FHIP1A: variants seen among roughly 807,000 people sequenced by gnomAD.
The protein encoded by FHIP1A is FHF complex subunit HOOK-interacting protein 1A.
In FHIP1A, 61 loss-of-function variants were observed where a neutral mutation model predicts 88.6. The observed-to-expected ratio is 0.69, with a 90% CI of 0.56 to 0.85. The LOEUF (loss-of-function observed/expected upper bound fraction) is 0.85. Among genes scored for constraint, FHIP1A ranks in the 40% least tolerant of loss-of-function variants. The probability of loss-of-function intolerance (pLI) is 0.00; values close to 1 mark genes in which losing one functional copy is unlikely to be tolerated. For synonymous variants in FHIP1A, 478 were observed against 496.0 expected (o/e 0.96, Z 0.48); for missense variants, 1,154 against 1,273.5 (o/e 0.91, Z 1.43).
At chr4:151,569,875 T>A (rs1209865027) in intron 4 of FHIP1A, among the ~76,000 whole-genome samples, 2 of 152,142 alleles carry the variant, frequency 1.3e-5, no homozygotes, top group Non-Finnish European at 2.9e-5. Flanking sequence ...TCCCAACTGC[T>A]TCTGGGTCCA....
intron 3 of FHIP1A, among the ~76,000 whole-genome samples, chr4:151,486,090 G>A (rs1016935401): frequency 4.6e-5 from 7 of 152,090 alleles, no homozygotes; most frequent in African/African-American, 1.7e-4. Flanking sequence ...TGCATTTCAC[G>A]ATAAGGTTTG....
intron 5 of FHIP1A, among the ~76,000 whole-genome samples, chr4:151,581,806 G>T (rs544974734): frequency 1.4e-3 from 218 of 150,402 alleles, no homozygotes; most frequent in African/African-American, 5.0e-3. Flanking sequence ...AAGTGTGTTA[G>T]CATCAGGCTG....
Position 151,668,496 on chromosome 4 carries a change from G to A in FHIP1A, c.*5742G>A, listed in dbSNP as rs1737745521. Among the ~76,000 whole-genome samples the A allele has an allele frequency of 6.6e-6, 1 of 152,126 alleles. No homozygotes were observed. On this transcript the variant is annotated 3_prime_UTR_variant, in exon 14 of 14. Coordinates refer to ENST00000435205, the MANE Select transcript of FHIP1A (RefSeq NM_001109977.3). ...GCTCAGCTAAAATATCCTTACTTTG[G>A]TGCAATAATGATCTAGGTTCTTTTT...
chr4:151,526,442 C>T (rs1359869355), intron 3 of FHIP1A, among the ~76,000 whole-genome samples: 2 of 146,928 alleles, frequency 1.4e-5, no homozygotes, highest in Non-Finnish European at 3.0e-5. Flanking sequence ...GGGGGCTGAC[C>T]CCCCCACCTC....
chr4:151,522,539 G>A lies in FHIP1A; in HGVS notation c.-123+39891G>A, dbSNP rs1731484643. 2.0e-5 allele frequency among the ~76,000 whole-genome samples: 3 copies of A among 152,192 alleles called. No homozygotes were observed. In the South Asian group the frequency reaches 6.2e-4, roughly 31 times the overall value. On this transcript the variant is annotated intron_variant, in intron 3 of 13. Transcript: ENST00000435205. Reference sequence around the variant, plus strand: ...GGAGAGAGGACAGTCACTGCTGGCTGCTGCCTACTGTGAATTCCCTTCAGT... The same window carrying A: ...GGAGAGAGGACAGTCACTGCTGGCTACTGCCTACTGTGAATTCCCTTCAGT...
chr4:151,468,308 A>AG (rs146188495), intron 2 of FHIP1A, among the ~76,000 whole-genome samples: 13 of 150,936 alleles, frequency 8.6e-5, no homozygotes, highest in African/African-American at 2.4e-4. Context: ...AAAAAAAAAA[A>AG]GAATACAAAT....
At chr4:151,449,535 A>T (rs1200690773) in intron 1 of FHIP1A, among the ~76,000 whole-genome samples, 1 of 152,138 alleles carries the variant, frequency 6.6e-6, no homozygotes, top group African/African-American at 2.4e-5. Context: ...TGTGGTGAGA[A>T]CATTCAAAAA....
chr4:151,501,891 A>G (rs1730662258), intron 3 of FHIP1A, among the ~76,000 whole-genome samples: 1 of 151,468 alleles, frequency 6.6e-6, no homozygotes, highest in African/African-American at 2.4e-5. Flanking sequence ...ACAAAGAAAC[A>G]CAAAAGTATG....
chr4:151,656,755 G>T lies in FHIP1A; in HGVS notation c.2731-5G>T. 6.5e-7 allele frequency: 1 copy of T among 1,548,684 alleles called. No homozygotes were observed. Among genetic ancestry groups the T allele is most frequent in the South Asian group, 1.2e-5 (1 of 83,504 alleles). ...CATTAACATCAGTAATGCTGTTTTTGACAGGTCCTTGCATCTGTGAAAAAC... is the reference window on the plus strand; with the variant it reads ...CATTAACATCAGTAATGCTGTTTTTTACAGGTCCTTGCATCTGTGAAAAAC... On this transcript the variant is annotated splice_region_variant and splice_polypyrimidine_tract_variant and intron_variant, in intron 12 of 13. Coordinates refer to ENST00000435205, the MANE Select transcript of FHIP1A (RefSeq NM_001109977.3). This position sits in a 1 kb window ranked among gnomAD's most constrained non-coding sequence, Gnocchi z 4.2.
chr4:151,542,765 C>T lies in FHIP1A; in HGVS notation c.-122-23373C>T, dbSNP rs74600477. Among the ~76,000 whole-genome samples, 726 of 152,256 alleles carry T rather than the reference C, an allele frequency of 4.8e-3. 6 individuals are homozygous for T. The highest frequency in any genetic ancestry group is 0.017 in the African/African-American group (699 of 41,548). On this transcript the variant is annotated intron_variant, in intron 3 of 13. Transcript: ENST00000435205. ...CCCTGGGGGAAATAAGCTTGTTTTC[C>T]GCTCCCTACAGCATGGCACCATGGT... is the stretch of plus-strand genomic sequence containing the variant.
chr4:151,636,742 T>C (rs970734215), intron 8 of FHIP1A, among the ~76,000 whole-genome samples: 5 of 152,098 alleles, frequency 3.3e-5, no homozygotes, highest in African/African-American at 4.8e-5. Flanking sequence ...ATTGTTAATA[T>C]AGGAATACTC....
At chr4:151,495,453 G>T (rs1046683539) in intron 3 of FHIP1A, among the ~76,000 whole-genome samples, 4 of 151,056 alleles carry the variant, frequency 2.6e-5, no homozygotes, top group African/African-American at 9.7e-5. Flanking sequence ...AGTGAGCCGA[G>T]ATTGTGCCAC....
intron 2 of FHIP1A, among the ~76,000 whole-genome samples, chr4:151,471,335 A>G (rs529906103): frequency 1.3e-5 from 2 of 151,052 alleles, no homozygotes; most frequent in Non-Finnish European, 3.0e-5. Context: ...AGGAAAAAAA[A>G]AAAAAGAAAA....
At chr4:151,643,143 C>G (rs1476714004) in intron 9 of FHIP1A, among the ~76,000 whole-genome samples, 1 of 151,960 alleles carries the variant, frequency 6.6e-6, no homozygotes, top group Non-Finnish European at 1.5e-5. Flanking sequence ...CTATTGACAG[C>G]CAATTCATTT....
chr4:151,581,698 AAAG>A (rs1734032477), intron 5 of FHIP1A, among the ~76,000 whole-genome samples: 1 of 152,202 alleles, frequency 6.6e-6, no homozygotes, highest in South Asian at 2.1e-4. Context: ...AATTAAAAAA[AAAG>A]CCCTCTTTAT....
chr4:151,448,770 A>G (rs1215564743), intron 1 of FHIP1A, among the ~76,000 whole-genome samples: 1 of 152,178 alleles, frequency 6.6e-6, no homozygotes, highest in Non-Finnish European at 1.5e-5. Context: ...GTGCACAAAT[A>G]TCTTTATGAG....
At chr4:151,427,805 T>C (rs781631373) in intron 1 of FHIP1A, among the ~76,000 whole-genome samples, 21 of 152,214 alleles carry the variant, frequency 1.4e-4, no homozygotes, top group South Asian at 6.2e-4. Flanking sequence ...GACTTTTCCA[T>C]GTGAGTAAAA....
Position 151,486,527 on chromosome 4 carries a change from C to T in FHIP1A, c.-123+3879C>T, listed in dbSNP as rs1163945951. On this transcript the variant is annotated intron_variant, in intron 3 of 13. Coordinates refer to ENST00000435205, the MANE Select transcript of FHIP1A (RefSeq NM_001109977.3). ...TGATCTGGATTAAATGGATGTCTCT[C>T]ACTTTCTTCAAGCCCAAAATTGATG... Among the ~76,000 whole-genome samples the T allele has an allele frequency of 2.0e-5, 3 of 152,164 alleles. No homozygotes were observed. In the East Asian group the frequency reaches 5.8e-4, roughly 29 times the overall value.
intron 3 of FHIP1A, among the ~76,000 whole-genome samples, chr4:151,562,327 T>C (rs1733205385): frequency 6.6e-6 from 1 of 152,212 alleles, no homozygotes; most frequent in Admixed American, 6.5e-5. Flanking sequence ...AAGTATAAGG[T>C]AGTGGTTTTG....
Sources: gnomAD v4.1 joint callset for allele counts (sites outside exome capture counted in the v4.1 genomes callset) on GRCh38, gnomAD v4.1.1 for gene constraint, Gnocchi (gnomAD v3.1) non-coding constraint, MANE v1.5 for transcripts, NCBI Gene and HGNC (gene_info 2026-07-23, HGNC 2026-07-21) for gene names.